The following LRRC4C variants were observed in gnomAD, a reference collection of about 807,000 sequenced individuals.
LRRC4C encodes the protein leucine-rich repeat-containing protein 4C.
LRRC4C carries 5 observed loss-of-function variants against 33.6 expected under a neutral mutation model. That is an observed-to-expected ratio of 0.15 (90% CI 0.08 to 0.31). LRRC4C has a LOEUF of 0.31. LRRC4C is among the 10% of genes least tolerant of loss of function. The pLI is 1.00. For missense variants in LRRC4C, 560 were observed against 796.7 expected (o/e 0.70, Z 3.58); for synonymous variants, 329 against 302.0 (o/e 1.09, Z -0.93).
intron 2 of LRRC4C, among the ~76,000 whole-genome samples, chr11:40,663,261 T>C (rs1362325884): frequency 6.6e-6 from 1 of 151,956 alleles, no homozygotes; most frequent in South Asian, 2.1e-4. Context: ...TTGTATTTTT[T>C]TAGTAGAGAT....
intron 1 of LRRC4C, among the ~76,000 whole-genome samples, chr11:41,371,996 G>T (rs1348696831): frequency 6.6e-6 from 1 of 152,160 alleles, no homozygotes; most frequent in East Asian, 1.9e-4. Context: ...AATTAGCCAG[G>T]CGTAGTGGCT....
intron 2 of LRRC4C, among the ~76,000 whole-genome samples, chr11:40,690,074 G>A (rs1190409329): frequency 6.6e-6 from 1 of 152,088 alleles, no homozygotes; most frequent in Non-Finnish European, 1.5e-5. Flanking sequence ...GTTGCACCCA[G>A]CTTAGACAGT....
intron 3 of LRRC4C, among the ~76,000 whole-genome samples, chr11:40,348,766 C>T (rs1321847751): frequency 2.0e-5 from 3 of 152,058 alleles, no homozygotes; most frequent in East Asian, 1.9e-4. Flanking sequence ...AATATAGTTT[C>T]TTATACAACA....
intron 2 of LRRC4C, among the ~76,000 whole-genome samples, chr11:40,690,498 T>C (rs1007934263): frequency 2.6e-5 from 4 of 152,148 alleles, no homozygotes; most frequent in Admixed American, 1.3e-4. Context: ...GAAAGCTTTA[T>C]AGGCGAAAAA....
chr11:40,939,740 T>C (rs981691434), intron 1 of LRRC4C, among the ~76,000 whole-genome samples: 3 of 152,210 alleles, frequency 2.0e-5, no homozygotes, highest in African/African-American at 4.8e-5. Context: ...CTGAGCCTTG[T>C]TCCTGTGCCA....
At chr11:41,112,880 A>G (rs544764593) in intron 1 of LRRC4C, among the ~76,000 whole-genome samples, 1 of 152,086 alleles carries the variant, frequency 6.6e-6, no homozygotes, top group Non-Finnish European at 1.5e-5. Context: ...AAACAACAAA[A>G]AACATATATG....
intron 4 of LRRC4C, among the ~76,000 whole-genome samples, chr11:40,295,046 A>C (rs537567451): frequency 2.4e-4 from 36 of 152,170 alleles, no homozygotes; most frequent in African/African-American, 8.4e-4. Context: ...CAGCTTGACA[A>C]CTCAATTCCA....
chr11:40,879,836 T>C (rs1309475662), intron 2 of LRRC4C, among the ~76,000 whole-genome samples: 1 of 152,136 alleles, frequency 6.6e-6, no homozygotes, highest in Non-Finnish European at 1.5e-5. Context: ...AACCTTGGAA[T>C]GTTATTGTTG....
At chr11:40,543,892 T>A (rs141881974) in intron 3 of LRRC4C, among the ~76,000 whole-genome samples, 2 of 152,048 alleles carry the variant, frequency 1.3e-5, no homozygotes, top group East Asian at 1.9e-4. Flanking sequence ...AGAAGATAAA[T>A]TCCTGGAAAC....
intron 3 of LRRC4C, among the ~76,000 whole-genome samples, chr11:40,327,828 T>C (rs570352512): frequency 4.4e-4 from 67 of 152,122 alleles, no homozygotes; most frequent in Admixed American, 1.4e-3. Flanking sequence ...TTGCAAAAAT[T>C]AATAACAAAA....
chr11:41,048,799 T>C (rs1338470632), intron 1 of LRRC4C, among the ~76,000 whole-genome samples: 1 of 152,220 alleles, frequency 6.6e-6, no homozygotes, highest in African/African-American at 2.4e-5. Flanking sequence ...TTGGACACTA[T>C]AACAGATACT....
intron 2 of LRRC4C, among the ~76,000 whole-genome samples, chr11:40,693,860 A>G (rs1290536830): frequency 6.6e-6 from 1 of 152,142 alleles, no homozygotes; most frequent in East Asian, 1.9e-4. Flanking sequence ...GGGAGTGAGC[A>G]GTTGACATTG....
intron 1 of LRRC4C, among the ~76,000 whole-genome samples, chr11:41,120,575 T>C (rs1014696697): frequency 6.6e-6 from 1 of 152,174 alleles, no homozygotes; most frequent in African/African-American, 2.4e-5. Flanking sequence ...TGTTTGACAG[T>C]GGCTATATTA....
intron 3 of LRRC4C, among the ~76,000 whole-genome samples, chr11:40,579,293 T>C (rs1294839035): frequency 6.6e-6 from 1 of 151,364 alleles, no homozygotes; most frequent in African/African-American, 2.4e-5. Flanking sequence ...AGCACTGCTT[T>C]CCGGTATGGG....
intron 2 of LRRC4C, among the ~76,000 whole-genome samples, chr11:40,669,083 T>C (rs1254020968): frequency 2.0e-5 from 3 of 152,102 alleles, no homozygotes; most frequent in Non-Finnish European, 4.4e-5. Flanking sequence ...TCAAATGGAG[T>C]CAAACTACTT....
chr11:40,340,584 G>A (rs1056120230), intron 3 of LRRC4C, among the ~76,000 whole-genome samples: 1 of 152,110 alleles, frequency 6.6e-6, no homozygotes, highest in African/African-American at 2.4e-5. Flanking sequence ...CAATGGCTGT[G>A]TGCAGGTACT....
intron 1 of LRRC4C, among the ~76,000 whole-genome samples, chr11:40,994,474 C>T (rs1055081355): frequency 5.9e-5 from 9 of 152,052 alleles, no homozygotes; most frequent in Admixed American, 1.3e-4. Context: ...CATAGGGTGA[C>T]GGTGATCCTT....
At chr11:40,279,238 C>T (rs1333517542) in intron 4 of LRRC4C, among the ~76,000 whole-genome samples, 1 of 152,164 alleles carries the variant, frequency 6.6e-6, no homozygotes, top group African/African-American at 2.4e-5. Flanking sequence ...GGCATCACAA[C>T]TGAGACAGGT....
intron 2 of LRRC4C, among the ~76,000 whole-genome samples, chr11:40,891,147 C>T (rs1219619424): frequency 3.9e-5 from 6 of 152,072 alleles, no homozygotes; most frequent in Non-Finnish European, 5.9e-5. Flanking sequence ...AGGAGAAACA[C>T]TTGAACTTGG....
Sources: allele counts gnomAD v4.1 joint callset (sites outside exome capture counted in the v4.1 genomes callset), GRCh38; gene constraint gnomAD v4.1.1; transcripts MANE v1.5; gene names NCBI Gene and HGNC (gene_info 2026-07-23, HGNC 2026-07-21).